The following TRIM71 variants were observed in gnomAD, a reference collection of about 807,000 sequenced individuals.
The protein encoded by TRIM71 is tripartite motif containing 71.
TRIM71 carries 9 observed loss-of-function variants against 61.2 expected under a neutral mutation model. The observed-to-expected ratio is 0.15, with a 90% CI of 0.09 to 0.26. The LOEUF (loss-of-function observed/expected upper bound fraction) is 0.26. Ranked by LOEUF, TRIM71 falls within the 10% of genes least tolerant of loss-of-function variation. The pLI is 1.00. For missense variants in TRIM71, 998 were observed against 1,238.7 expected, an observed-to-expected ratio of 0.81 and a Z score of 2.92; for synonymous variants, 645 against 553.2, an observed-to-expected ratio of 1.17 and a Z score of -2.33.
intron 1 of TRIM71, among the ~76,000 whole-genome samples, chr3:32,819,841 A>G (rs1696107814): frequency 6.6e-6 from 1 of 152,220 alleles, no homozygotes; most frequent in African/African-American, 2.4e-5. Context: ...TCCTTGGAAA[A>G]GACCAAGGCA....
chr3:32,887,009 G>T (rs1260540608), intron 3 of TRIM71, among the ~76,000 whole-genome samples: 1 of 152,114 alleles, frequency 6.6e-6, no homozygotes, highest in African/African-American at 2.4e-5. Flanking sequence ...CATATTTTTT[G>T]AGCACCTTTG....
intron 1 of TRIM71, among the ~76,000 whole-genome samples, chr3:32,858,337 G>A (rs572186618): frequency 2.6e-5 from 4 of 152,188 alleles, no homozygotes; most frequent in South Asian, 2.1e-4. Context: ...ACTGACGGTC[G>A]AACAGCTCTG....
chr3:32,864,648 C>T (rs1390118057), intron 1 of TRIM71, among the ~76,000 whole-genome samples: 1 of 152,196 alleles, frequency 6.6e-6, no homozygotes, highest in Non-Finnish European at 1.5e-5. Flanking sequence ...CCAGTGCCCC[C>T]AGGGGCAGAG....
intron 1 of TRIM71, among the ~76,000 whole-genome samples, chr3:32,829,574 AAC>A (rs1696244265): frequency 6.6e-6 from 1 of 151,952 alleles, no homozygotes; most frequent in Non-Finnish European, 1.5e-5. Context: ...TGCTCAATGG[AAC>A]AGTCTAATCT....
At chr3:32,840,387 C>T (rs1293058266) in intron 1 of TRIM71, among the ~76,000 whole-genome samples, 1 of 152,044 alleles carries the variant, frequency 6.6e-6, no homozygotes. Flanking sequence ...CAGTAAAAGC[C>T]AGTACATAAC....
At chr3:32,858,347 G>A (rs115608623) in intron 1 of TRIM71, among the ~76,000 whole-genome samples, 4,011 of 152,252 alleles carry the variant, frequency 0.026, 158 homozygotes, top group African/African-American at 0.086. Flanking sequence ...GAACAGCTCT[G>A]GGAATAGAAG....
Position 32,893,280 on chromosome 3 carries a change from A to T in TRIM71, c.*1469A>T, listed in dbSNP as rs1158013425. On this transcript the variant is annotated 3_prime_UTR_variant, in exon 4 of 4. Transcript: ENST00000383763. ...TGTAGGATGTAATGTCTTTTCTTAA[A>T]CCTGTAACTCGGTACCAAAGAATGA... 6.6e-6 allele frequency: 1 copy of T among 151,568 alleles called. No homozygotes were observed. Among genetic ancestry groups the T allele is most frequent in the African/African-American group, 2.4e-5 (1 of 41,190 alleles). The allele number at this position is 151,568 out of a possible 1,614,324, so 9.4% of individuals were successfully genotyped here. A position where few individuals can be genotyped will look rare whatever the true frequency, so the allele number is the denominator to read the frequency against.
At chr3:32,859,338 C>G (rs1465987691) in intron 1 of TRIM71, among the ~76,000 whole-genome samples, 1 of 152,186 alleles carries the variant, frequency 6.6e-6, no homozygotes, top group Non-Finnish European at 1.5e-5. Flanking sequence ...CGGCTCACTG[C>G]AACCTTTGTC....
Position 32,818,183 on chromosome 3 carries a change from T to C in TRIM71, c.103T>C (p.Ser35Pro), listed in dbSNP as rs766118018. 1.3e-6 allele frequency: 2 copies of C among 1,596,910 alleles called. No individual in the cohort carries two copies. The highest frequency in any genetic ancestry group is 1.7e-6 in the Non-Finnish European group (2 of 1,173,276). ...LSSNSSASSS[S>P]SQTSTSSGGG... The stretch of plus-strand genomic sequence containing the variant: ...CTCCAACTCGTCCGCGTCGTCGTCC[T>C]CCTCGCAGACGTCCACGTCGTCGGG... The change falls in exon 1 of 4, where the codon TCC becomes CCC. Residue 35 changes from serine to proline, a missense_variant. Physicochemically the swap from Ser to Pro is moderately conservative, Grantham distance 74 (BLOSUM62 -1). Coordinates refer to ENST00000383763, the MANE Select transcript of TRIM71 (RefSeq NM_001039111.3).
At chr3:32,874,288 G>T (rs1007059661) in intron 2 of TRIM71, among the ~76,000 whole-genome samples, 35 of 152,018 alleles carry the variant, frequency 2.3e-4, no homozygotes, top group Non-Finnish European at 4.6e-4. Context: ...GCACTTTCCA[G>T]CCAGGACTGC....
At chr3:32,871,587 T>G (rs1696796130) in intron 1 of TRIM71, among the ~76,000 whole-genome samples, 1 of 152,170 alleles carries the variant, frequency 6.6e-6, no homozygotes, top group Non-Finnish European at 1.5e-5. Context: ...TAGCACCAGG[T>G]CGTAAAAAGG....
chr3:32,829,024 C>T (rs950221529), intron 1 of TRIM71, among the ~76,000 whole-genome samples: 27 of 147,116 alleles, frequency 1.8e-4, no homozygotes, highest in African/African-American at 6.0e-4. Context: ...CACGGACTTT[C>T]CCTCTGTCGC....
intron 1 of TRIM71, among the ~76,000 whole-genome samples, chr3:32,859,568 T>C (rs1696642515): frequency 6.6e-6 from 1 of 152,154 alleles, no homozygotes; most frequent in Admixed American, 6.5e-5. Flanking sequence ...AACTTTGGGG[T>C]TCTGGAGAGG....
chr3:32,875,825 ACT>A (rs1475698517), intron 2 of TRIM71, among the ~76,000 whole-genome samples: 2 of 151,904 alleles, frequency 1.3e-5, no homozygotes, highest in Admixed American at 1.3e-4. Context: ...AACAGTTAAG[ACT>A]CTGTTTCAAA....
chr3:32,818,461 C>T lies in TRIM71; in HGVS notation c.381C>T (p.Ala127=), dbSNP rs1696084565. 2.7e-6 allele frequency: 4 copies of T among 1,454,950 alleles called. No homozygotes were observed. The highest frequency in any genetic ancestry group is 1.5e-5 in the African/African-American group (1 of 67,328). The allele number at this position is 1,454,950 out of a possible 1,614,324, so 90.1% of individuals were successfully genotyped here. A position where few individuals can be genotyped will look rare whatever the true frequency, so the allele number is the denominator to read the frequency against. ...TGCTCGACGCGGTGGTGGCCACTGC[C>T]GACGAGCCGCCGCCCAAGAACGGGC... ...SNLLDAVVAT[A]DEPPPKNGRA... The change falls in exon 1 of 4, where the codon GCC becomes GCT. Residue 127 remains alanine, a synonymous_variant. Transcript: ENST00000383763.
At chr3:32,886,775 G>T (rs536248461) in intron 3 of TRIM71, among the ~76,000 whole-genome samples, 7 of 152,294 alleles carry the variant, frequency 4.6e-5, no homozygotes, top group Non-Finnish European at 7.3e-5. Flanking sequence ...CAAACAATAT[G>T]ATGATGGTGG....
rs1416279390 is a variant in TRIM71, at chr3:32,890,263, T to C, written c.1156-97T>C. On this transcript the variant is annotated intron_variant, in intron 3 of 3. Coordinates refer to ENST00000383763, the MANE Select transcript of TRIM71 (RefSeq NM_001039111.3). The surrounding 1 kb of genome is among the most constrained non-coding windows in gnomAD (Gnocchi z 6.2). ...TAGACCATCCCACAATATGTGTTTG[T>C]CTGATGCTTCCTTGTGATTAGTTGT... The C allele has an allele frequency of 8.2e-6, 12 of 1,464,432 alleles. No homozygotes were observed. Among genetic ancestry groups the C allele is most frequent in the South Asian group, 1.4e-5 (1 of 74,060 alleles). 90.7% of individuals were successfully genotyped at this position (1,464,432 alleles called of 1,614,324 possible).
chr3:32,837,744 T>A (rs1416834631), intron 1 of TRIM71, among the ~76,000 whole-genome samples: 1 of 152,096 alleles, frequency 6.6e-6, no homozygotes, highest in Non-Finnish European at 1.5e-5. Flanking sequence ...AGGCGGAGGC[T>A]TCAGTGAGCC....
Position 32,895,013 on chromosome 3 carries a change from T to A in TRIM71, c.*3202T>A, listed in dbSNP as rs1478206478. The A allele has an allele frequency of 6.6e-6, 1 of 152,250 alleles. No individual in the cohort carries two copies. The highest frequency in any genetic ancestry group is 2.1e-4 in the South Asian group (1 of 4,832). The allele number at this position is 152,250 out of a possible 1,614,324, so 9.4% of individuals were successfully genotyped here. On this transcript the variant is annotated 3_prime_UTR_variant, in exon 4 of 4. Coordinates refer to ENST00000383763, the MANE Select transcript of TRIM71 (RefSeq NM_001039111.3). Reference sequence around the variant, plus strand: ...GGGTGGGGTATGATGTAAGCTCAGTTTATGTGTGGAGATGCCCATTGGGTT... The same window carrying A: ...GGGTGGGGTATGATGTAAGCTCAGTATATGTGTGGAGATGCCCATTGGGTT...
Sources: gnomAD v4.1 joint callset for allele counts (sites outside exome capture counted in the v4.1 genomes callset) on GRCh38, gnomAD v4.1.1 for gene constraint, Gnocchi (gnomAD v3.1) non-coding constraint, MANE v1.5 for transcripts, NCBI Gene and HGNC (gene_info 2026-07-23, HGNC 2026-07-21) for gene names.